AGTPBP1: variants seen among roughly 807,000 people sequenced by gnomAD.
AGTPBP1 encodes the protein ATP/GTP binding carboxypeptidase 1.
In AGTPBP1, 70 loss-of-function variants were observed where a neutral mutation model predicts 143.9. The ratio of observed to expected loss-of-function variants is 0.49; its 90% CI spans 0.40 to 0.59. The LOEUF (loss-of-function observed/expected upper bound fraction) is 0.59, where lower values mean the gene tolerates loss of function less well. Among genes scored for constraint, AGTPBP1 ranks in the 20% least tolerant of loss-of-function variants. AGTPBP1 has a pLI of 0.00. For synonymous variants in AGTPBP1, 463 were observed against 500.2 expected, an observed-to-expected ratio of 0.93 and a Z score of 0.99; for missense variants, 1,229 against 1,464.5, an observed-to-expected ratio of 0.84 and a Z score of 2.62.
At chr9:85,751,923 C>T in the AGTPBP1 span, among the ~76,000 whole-genome samples, 1 of 151,114 alleles carries the variant, frequency 6.6e-6, no homozygotes, top group East Asian at 2.0e-4. Flanking sequence ...CACCTCTTGA[C>T]TTGACCCTTA....
In AGTPBP1 at chr9:85,664,405, A is replaced by G. The variant is rs561702523; in HGVS notation, c.663-3432T>C. On this transcript the variant is annotated intron_variant, in intron 8 of 25. Transcript: ENST00000357081. ...TGTTGGTATAAAGATGAATGAACTA[A>G]TATCACAAATGAAAACATTTTCTTC... 2.0e-5 allele frequency among the ~76,000 whole-genome samples: 3 copies of G among 152,290 alleles called. No individual in the cohort carries two copies. The South Asian group carries it at 6.2e-4, about 32-fold the overall frequency.
chr9:85,681,811 G>A lies in AGTPBP1; in HGVS notation c.158-476C>T, dbSNP rs938926915. Among the ~76,000 whole-genome samples the A allele has an allele frequency of 4.1e-5, 6 of 145,128 alleles. No homozygotes were observed. In the East Asian group the frequency reaches 6.2e-4, roughly 15 times the overall value. On this transcript the variant is annotated intron_variant, in intron 3 of 25. Coordinates refer to ENST00000357081, the MANE Select transcript of AGTPBP1 (RefSeq NM_001330701.2). ...GTCGCCCAGGCTGGAGTGCAACGGCGCAATCTCCGCTCACTACAACCTCCG... is the reference window on the plus strand; with the variant it reads ...GTCGCCCAGGCTGGAGTGCAACGGCACAATCTCCGCTCACTACAACCTCCG...
At chr9:85,588,519 C>A (rs1291092312) in intron 20 of AGTPBP1, 41 bp from the exon 21 acceptor site, 1 of 1,584,526 alleles carries the variant, frequency 6.3e-7, no homozygotes, top group Non-Finnish European at 8.6e-7. Flanking sequence ...TGAACAGCTA[C>A]TAAAAGTTTG....
At chr9:85,549,507 G>A (rs1587602978) in intron 25 of AGTPBP1, among the ~76,000 whole-genome samples, 1 of 152,168 alleles carries the variant, frequency 6.6e-6, no homozygotes, top group Non-Finnish European at 1.5e-5. Flanking sequence ...TCAGAGTAAG[G>A]ATCTCATTCT....
At chr9:85,725,604 G>A (rs1242455796) in intron 1 of AGTPBP1, among the ~76,000 whole-genome samples, 1 of 152,116 alleles carries the variant, frequency 6.6e-6, no homozygotes, top group African/African-American at 2.4e-5. Context: ...GAAAATTGGA[G>A]AGAAATTTTA....
chr9:85,663,620 A>G (rs76271929), intron 8 of AGTPBP1, among the ~76,000 whole-genome samples: 3,061 of 128,696 alleles, frequency 0.024, 119 homozygotes, highest in African/African-American at 0.09. Context: ...TGATGGGGGA[A>G]AAAAAAAAAA....
chr9:85,631,002 C>T (rs947643171), intron 14 of AGTPBP1, among the ~76,000 whole-genome samples: 13 of 152,174 alleles, frequency 8.5e-5, no homozygotes, highest in African/African-American at 2.9e-4. Flanking sequence ...ACATAGTCAA[C>T]CCATTGCCAC....
At chr9:85,682,033 C>T (rs571349137) in intron 3 of AGTPBP1, among the ~76,000 whole-genome samples, 6 of 151,682 alleles carry the variant, frequency 4.0e-5, no homozygotes, top group Admixed American at 3.9e-4. Flanking sequence ...CAGGCATGAG[C>T]CACCATGCCC....
chr9:85,563,628 C>T (rs548143229), intron 25 of AGTPBP1, among the ~76,000 whole-genome samples: 18 of 152,268 alleles, frequency 1.2e-4, no homozygotes, highest in South Asian at 6.2e-4. Context: ...TATATTGTAA[C>T]AAACGAGAAA....
chr9:85,677,297 A>T (rs1008404246), intron 6 of AGTPBP1, 139 bp downstream of exon 6: 1 of 769,472 alleles, frequency 1.3e-6, no homozygotes, highest in Admixed American at 3.3e-5. Context: ...GTGTACCCCC[A>T]TAAACATGTA....
intron 17 of AGTPBP1, among the ~76,000 whole-genome samples, chr9:85,605,751 CAAATT>C (rs1829951277): frequency 6.6e-6 from 1 of 151,744 alleles, no homozygotes; most frequent in African/African-American, 2.4e-5. Context: ...GAGGAGGGAT[CAAATT>C]AAAGTATAGA....
intron 9 of AGTPBP1, among the ~76,000 whole-genome samples, chr9:85,660,117 G>T (rs1833763957): frequency 6.6e-6 from 1 of 151,658 alleles, no homozygotes; most frequent in Non-Finnish European, 1.5e-5. Context: ...CAATTAAAAT[G>T]TAGGGGCAAG....
the AGTPBP1 span, among the ~76,000 whole-genome samples, chr9:85,764,252 G>A: frequency 2.0e-5 from 3 of 151,942 alleles, no homozygotes; most frequent in African/African-American, 7.3e-5. Context: ...CACCCCGGTC[G>A]GGTGGGTGTC....
chr9:85,616,777 A>C (rs1249193730), intron 17 of AGTPBP1, among the ~76,000 whole-genome samples: 1 of 151,974 alleles, frequency 6.6e-6, no homozygotes, highest in African/African-American at 2.4e-5. Flanking sequence ...AAGTTAATTG[A>C]AAGTTTAAGG....
At chr9:85,716,577 C>T (rs1837719507) in intron 1 of AGTPBP1, among the ~76,000 whole-genome samples, 1 of 152,186 alleles carries the variant, frequency 6.6e-6, no homozygotes, top group Non-Finnish European at 1.5e-5. Flanking sequence ...TCCTGTCCCA[C>T]ATCCAATACA....
intron 25 of AGTPBP1, among the ~76,000 whole-genome samples, chr9:85,572,666 T>C (rs1023714057): frequency 1.3e-5 from 2 of 152,168 alleles, no homozygotes; most frequent in African/African-American, 4.8e-5. Context: ...ATAAACGATA[T>C]TTCAGTATAT....
chr9:85,581,542 T>G (rs12337577), intron 23 of AGTPBP1, among the ~76,000 whole-genome samples: 3 of 152,178 alleles, frequency 2.0e-5, no homozygotes, highest in African/African-American at 7.2e-5. Context: ...CATCCATCCA[T>G]TCAACAAATA....
intron 15 of AGTPBP1, among the ~76,000 whole-genome samples, chr9:85,620,947 C>T (rs1296387753): frequency 4.6e-5 from 7 of 152,140 alleles, no homozygotes; most frequent in African/African-American, 1.7e-4. Context: ...TTACCTCAAG[C>T]CCATTAAAAA....
At chr9:85,584,511 T>C (rs1448331618) in intron 23 of AGTPBP1, among the ~76,000 whole-genome samples, 2 of 152,238 alleles carry the variant, frequency 1.3e-5, no homozygotes, top group Non-Finnish European at 2.9e-5. Flanking sequence ...CACTTGCTGA[T>C]AGTTAGAATG....
Sources: allele counts gnomAD v4.1 joint callset (sites outside exome capture counted in the v4.1 genomes callset), GRCh38; gene constraint gnomAD v4.1.1; transcripts MANE v1.5; gene names NCBI Gene and HGNC (gene_info 2026-07-23, HGNC 2026-07-21).